MSRA: variants seen among roughly 807,000 people sequenced by gnomAD.
MSRA encodes the protein methionine sulfoxide reductase A, also known as mitochondrial peptide methionine sulfoxide reductase.
A neutral mutation model predicts 31.3 loss-of-function variants in MSRA; 54 were observed. That is an observed-to-expected ratio of 1.73 (90% CI 1.39 to 2.17). MSRA has a LOEUF of 2.17. MSRA is among the 30% of genes most tolerant of loss of function. The pLI, the probability that MSRA is intolerant of heterozygous loss-of-function variation, is 0.00. For missense variants in MSRA, 507 were observed against 300.9 expected (o/e 1.69, Z -5.07); for synonymous variants, 169 against 116.5 (o/e 1.45, Z -2.90).
At chr8:10,211,096 A>G (rs1809452033) in intron 2 of MSRA, among the ~76,000 whole-genome samples, 1 of 152,120 alleles carries the variant, frequency 6.6e-6, no homozygotes, top group Admixed American at 6.6e-5. Flanking sequence ...ATGCTACCGA[A>G]ATAAGAACTT....
At chr8:10,150,812 C>G (rs1053801616) in intron 1 of MSRA, among the ~76,000 whole-genome samples, 1 of 152,186 alleles carries the variant, frequency 6.6e-6, no homozygotes, top group Non-Finnish European at 1.5e-5. Flanking sequence ...CATGTCCCTT[C>G]CCTGCACTGC....
chr8:10,183,817 C>A (rs1010986886), intron 1 of MSRA, among the ~76,000 whole-genome samples: 1 of 140,508 alleles, frequency 7.1e-6, no homozygotes, highest in East Asian at 2.1e-4. Context: ...GGTGCTGCTG[C>A]TGCTGCTGCT....
intron 1 of MSRA, among the ~76,000 whole-genome samples, chr8:10,091,451 C>T (rs1440368478): frequency 6.6e-6 from 1 of 152,100 alleles, no homozygotes; most frequent in African/African-American, 2.4e-5. Flanking sequence ...TATATATTTT[C>T]CTCGTTTATC....
At chr8:10,414,956 A>G (rs1334675374) in intron 5 of MSRA, among the ~76,000 whole-genome samples, 1 of 152,230 alleles carries the variant, frequency 6.6e-6, no homozygotes. Flanking sequence ...AAGCCATGAA[A>G]AGAAAACTCG....
At position 10,281,056 on chromosome 8, in the gene MSRA, G is replaced by A. The variant is rs952375257; in HGVS notation, c.332-20478G>A. ...AGTGTATGGAGTCTCTTTTTGGAGT[G>A]ATAAAAATGTTTTAAAATTGATTGT... On this transcript the variant is annotated intron_variant, in intron 3 of 5. Coordinates refer to ENST00000317173, the MANE Select transcript of MSRA (RefSeq NM_012331.5). Among the ~76,000 whole-genome samples, 10 of 152,244 alleles carry A rather than the reference G, an allele frequency of 6.6e-5. No homozygotes were observed. In the South Asian group the frequency reaches 8.3e-4, roughly 13 times the overall value.
intron 1 of MSRA, among the ~76,000 whole-genome samples, chr8:10,159,738 C>T (rs917401914): frequency 1.3e-5 from 2 of 152,106 alleles, no homozygotes; most frequent in Non-Finnish European, 2.9e-5. Flanking sequence ...TCTTCATTTC[C>T]AGCAACAATC....
chr8:10,191,547 T>G (rs1807505297), intron 1 of MSRA, among the ~76,000 whole-genome samples: 1 of 152,216 alleles, frequency 6.6e-6, no homozygotes, highest in Non-Finnish European at 1.5e-5. Context: ...AAGCCCTACT[T>G]TGATATCTTA....
intron 5 of MSRA, among the ~76,000 whole-genome samples, chr8:10,345,713 A>T (rs1803727785): frequency 6.6e-6 from 1 of 152,216 alleles, no homozygotes; most frequent in Admixed American, 6.5e-5. Context: ...GAAGTGCGTT[A>T]TTCGGGTTTC....
intron 1 of MSRA, among the ~76,000 whole-genome samples, chr8:10,108,080 G>A (rs1800014591): frequency 6.6e-6 from 1 of 152,222 alleles, no homozygotes; most frequent in African/African-American, 2.4e-5. Flanking sequence ...TGTTCCTGAA[G>A]GGTATGAGGG....
intron 1 of MSRA, among the ~76,000 whole-genome samples, chr8:10,168,693 A>C (rs954834221): frequency 6.6e-6 from 1 of 152,164 alleles, no homozygotes; most frequent in African/African-American, 2.4e-5. Context: ...GGATTCGACC[A>C]CACTTCTGTT....
At chr8:10,169,560 G>T (rs991537483) in intron 1 of MSRA, among the ~76,000 whole-genome samples, 1 of 152,120 alleles carries the variant, frequency 6.6e-6, no homozygotes, top group African/African-American at 2.4e-5. Flanking sequence ...TTTGTGTTAG[G>T]CAAGTGATTC....
chr8:10,236,514 G>A (rs1432739129), intron 2 of MSRA, among the ~76,000 whole-genome samples: 1 of 152,014 alleles, frequency 6.6e-6, no homozygotes, highest in African/African-American at 2.4e-5. Context: ...CAAATCATGG[G>A]GTACATAGAA....
intron 3 of MSRA, among the ~76,000 whole-genome samples, chr8:10,296,341 A>C (rs567395365): frequency 6.6e-6 from 1 of 152,336 alleles, no homozygotes; most frequent in East Asian, 1.9e-4. Flanking sequence ...GGAAACACGA[A>C]AGGTTAATAG....
intron 5 of MSRA, among the ~76,000 whole-genome samples, chr8:10,359,222 A>T (rs529652583): frequency 4.6e-5 from 7 of 152,104 alleles, no homozygotes; most frequent in African/African-American, 1.4e-4. Context: ...TTCTCCATTG[A>T]TTGGATCTTC....
intron 5 of MSRA, among the ~76,000 whole-genome samples, chr8:10,354,736 G>GTA (rs1804404103): frequency 7.9e-6 from 1 of 126,408 alleles, no homozygotes; most frequent in Non-Finnish European, 1.7e-5. Context: ...TATGTAATAT[G>GTA]TGTGTGTGTG....
intron 5 of MSRA, among the ~76,000 whole-genome samples, chr8:10,331,188 A>G (rs1426840123): frequency 6.6e-6 from 1 of 152,202 alleles, no homozygotes; most frequent in African/African-American, 2.4e-5. Flanking sequence ...GAAGCCTGTT[A>G]TTGAAGCCAC....
chr8:10,333,474 A>G (rs1392755877), intron 5 of MSRA, among the ~76,000 whole-genome samples: 1 of 152,132 alleles, frequency 6.6e-6, no homozygotes, highest in Non-Finnish European at 1.5e-5. Flanking sequence ...GGGCGGAGAA[A>G]AACCACAGGG....
At chr8:10,389,570 A>G (rs1806603538) in intron 5 of MSRA, among the ~76,000 whole-genome samples, 1 of 152,162 alleles carries the variant, frequency 6.6e-6, no homozygotes, top group Non-Finnish European at 1.5e-5. Context: ...AGAACCACTG[A>G]CAGGACTCCT....
At chr8:10,423,866 G>T (rs749469826) in intron 5 of MSRA, among the ~76,000 whole-genome samples, 1 of 152,202 alleles carries the variant, frequency 6.6e-6, no homozygotes, top group Non-Finnish European at 1.5e-5. Context: ...TCCAGAAGCA[G>T]AGAGAATCTC....
Sources: allele counts gnomAD v4.1 joint callset (sites outside exome capture counted in the v4.1 genomes callset), GRCh38; gene constraint gnomAD v4.1.1; transcripts MANE v1.5; gene names NCBI Gene and HGNC (gene_info 2026-07-23, HGNC 2026-07-21).